The following WDR86 variants were observed in gnomAD, a reference collection of about 807,000 sequenced individuals.
WDR86 encodes WD repeat domain 86.
WDR86 carries 30 observed loss-of-function variants against 36.5 expected under a neutral mutation model. The observed-to-expected ratio is 0.82, with a 90% CI of 0.61 to 1.11. The LOEUF is 1.11. Ranked by LOEUF, WDR86 falls within the 50% of genes most tolerant of loss-of-function variation. The probability of loss-of-function intolerance (pLI) is 0.00; values close to 1 mark genes in which losing one functional copy is unlikely to be tolerated. For missense variants in WDR86, 545 were observed against 561.2 expected (o/e 0.97, Z 0.29); for synonymous variants, 255 against 252.9 (o/e 1.01, Z -0.08).
Position 151,381,250 on chromosome 7 carries a change from G to A in WDR86, c.*332C>T. On this transcript the variant is annotated 3_prime_UTR_variant, in exon 6 of 6. Transcript: ENST00000334493. This position sits in a 1 kb window ranked among gnomAD's most constrained non-coding sequence, Gnocchi z 4.8. ...CTCTCAGCAGGAAAGGCCCAGTTTCGTGGGGCTGGGGGAGCTGGGGCAGTC... is the reference window on the plus strand; with the variant it reads ...CTCTCAGCAGGAAAGGCCCAGTTTCATGGGGCTGGGGGAGCTGGGGCAGTC... 1.5e-6 allele frequency: 2 copies of A among 1,299,570 alleles called. No homozygotes were observed. The highest frequency in any genetic ancestry group is 1.5e-5 in the African/African-American group (1 of 64,848). 80.5% of individuals were successfully genotyped at this position (1,299,570 alleles called of 1,614,324 possible).
downstream of WDR86, among the ~76,000 whole-genome samples, chr7:151,380,044 G>A (rs900912908): frequency 2.0e-5 from 3 of 152,178 alleles, no homozygotes; most frequent in African/African-American, 4.8e-5. Context: ...GCTCCGGGAC[G>A]CAGCAAGACC....
downstream of WDR86, chr7:151,381,102 C>T (rs776043337): frequency 2.0e-4 from 240 of 1,207,292 alleles, no homozygotes; most frequent in Non-Finnish European, 2.2e-4. The surrounding 1 kb of genome is among the most constrained non-coding windows in gnomAD (Gnocchi z 4.8). Flanking sequence ...GTTTGCAAAA[C>T]AAAAAGAGGA....
chr7:151,383,097 C>G (rs1344245670), intron 4 of WDR86, among the ~76,000 whole-genome samples: 1 of 150,136 alleles, frequency 6.7e-6, no homozygotes, highest in African/African-American at 2.5e-5. Context: ...ACGATCCTCC[C>G]GCTTCAGCCT....
downstream of WDR86, chr7:151,375,719 GA>G: frequency 1.5e-6 from 1 of 651,160 alleles, no homozygotes. Context: ...GCCTGAGTGG[GA>G]GCCCCTTTCT....
downstream of WDR86, chr7:151,376,697 G>T: frequency 6.2e-7 from 1 of 1,610,066 alleles, no homozygotes; most frequent in Non-Finnish European, 8.5e-7. Flanking sequence ...CAGAGGCAAC[G>T]TCCAGCTGGC....
downstream of WDR86, chr7:151,377,148 C>T: frequency 6.3e-7 from 1 of 1,589,964 alleles, no homozygotes. Flanking sequence ...TGACTCAACT[C>T]TGGAAGATGA....
At position 151,401,016 on chromosome 7, in the gene WDR86, C is replaced by A. The variant is rs896228692; in HGVS notation, c.164-775G>T. On this transcript the variant is annotated intron_variant, in intron 1 of 5. Transcript: ENST00000334493. The surrounding 1 kb of genome is among the most constrained non-coding windows in gnomAD (Gnocchi z 4.3). The stretch of plus-strand genomic sequence containing the variant: ...GCCAGTGAGACATGTGACGTATGAA[C>A]AGGGATGCACAGCCACTGTGCATGA... Among the ~76,000 whole-genome samples the A allele has an allele frequency of 6.6e-6, 1 of 152,176 alleles. No homozygotes were observed. The highest frequency in any genetic ancestry group is 2.4e-5 in the African/African-American group (1 of 41,432).
At chr7:151,403,686 G>A (rs1056697574) in intron 1 of WDR86, among the ~76,000 whole-genome samples, 20 of 152,260 alleles carry the variant, frequency 1.3e-4, no homozygotes, top group South Asian at 6.2e-4. Flanking sequence ...AATACATGTC[G>A]GCTTAAACAT....
chr7:151,383,335 G>T (rs1252207329), intron 4 of WDR86, among the ~76,000 whole-genome samples: 1 of 152,078 alleles, frequency 6.6e-6, no homozygotes, highest in Non-Finnish European at 1.5e-5. Context: ...TTAGCTGGGT[G>T]TGGTGGCACA....
At chr7:151,382,554 C>T (rs1249064709) in intron 4 of WDR86, among the ~76,000 whole-genome samples, 1 of 152,228 alleles carries the variant, frequency 6.6e-6, no homozygotes, top group Non-Finnish European at 1.5e-5. Flanking sequence ...GCATCCGTCA[C>T]TTGGAGGTCT....
intron 3 of WDR86, among the ~76,000 whole-genome samples, chr7:151,389,118 C>CTT (rs34882878): frequency 4.0e-5 from 5 of 125,574 alleles, no homozygotes; most frequent in Admixed American, 8.3e-5. Flanking sequence ...CTTTTCTTTC[C>CTT]TTTTTTTTTT....
At chr7:151,394,582 G>A (rs1454036629) in intron 3 of WDR86, among the ~76,000 whole-genome samples, 2 of 152,236 alleles carry the variant, frequency 1.3e-5, no homozygotes, top group African/African-American at 4.8e-5. Flanking sequence ...ACCCCAGCAT[G>A]GGGGATCACA....
rs1468777936 is a variant in WDR86 at position 151,381,778 on chromosome 7, C to T, written c.967-32G>A. On this transcript the variant is annotated intron_variant, in intron 5 of 5. Coordinates refer to ENST00000334493, the MANE Select transcript of WDR86 (RefSeq NM_198285.3). The surrounding 1 kb of genome is among the most constrained non-coding windows in gnomAD (Gnocchi z 4.8). ...GCGCAGGGGCGGGCGTCACCGGTGA[C>T]GCGGTAGGCGGGGGGGACACCGCTG... The T allele has an allele frequency of 2.7e-6, 4 of 1,487,342 alleles. No homozygotes were observed. Among genetic ancestry groups the T allele is most frequent in the East Asian group, 5.0e-5 (2 of 39,646 alleles). The allele number at this position is 1,487,342 out of a possible 1,614,324, so 92.1% of individuals were successfully genotyped here. A position where few individuals can be genotyped will look rare whatever the true frequency, so the allele number is the denominator to read the frequency against.
intron 4 of WDR86, among the ~76,000 whole-genome samples, chr7:151,382,332 G>A (rs920688830): frequency 1.3e-5 from 2 of 152,100 alleles, no homozygotes; most frequent in Non-Finnish European, 2.9e-5. Flanking sequence ...CCTACCTTCC[G>A]CTGCGTCGGC....
At chr7:151,374,127 G>A (rs1364924878), downstream of WDR86, 1 of 1,567,830 alleles carries the variant, frequency 6.4e-7, no homozygotes, top group African/African-American at 1.4e-5. Context: ...GGAGGAAAAA[G>A]AGAAGAAAAG....
chr7:151,397,755 GC>G (rs1799956466), intron 2 of WDR86, among the ~76,000 whole-genome samples: 1 of 137,318 alleles, frequency 7.3e-6, no homozygotes, highest in Non-Finnish European at 1.6e-5. Flanking sequence ...AGAGGGTGTA[GC>G]GGGAGGAAGA....
intron 1 of WDR86, chr7:151,408,729 G>C (rs1253655673): frequency 2.6e-6 from 1 of 380,620 alleles, no homozygotes; most frequent in Non-Finnish European, 5.4e-6. Context: ...ACAGTGCATG[G>C]GACAGGCCCA....
In WDR86 at chr7:151,409,119, G is replaced by T. The variant is rs1419480811; in HGVS notation, c.163+308C>A. The T allele has an allele frequency of 1.2e-5, 8 of 643,476 alleles. No individual in the cohort carries two copies. Among genetic ancestry groups the T allele is most frequent in the Non-Finnish European group, 2.4e-5 (8 of 337,900 alleles). 39.9% of individuals were successfully genotyped at this position (643,476 alleles called of 1,614,324 possible). On this transcript the variant is annotated intron_variant, in intron 1 of 5. Coordinates refer to ENST00000334493, the MANE Select transcript of WDR86 (RefSeq NM_198285.3). This position sits in a 1 kb window ranked among gnomAD's most constrained non-coding sequence, Gnocchi z 5.2. ...CAACTTTTTGTTTGTTAACATTGTT[G>T]TCAAGGGAGATTTCCTGCCGCTGGT...
At position 151,396,005 on chromosome 7, in the gene WDR86, A is replaced by G. The variant is rs1489574840; in HGVS notation, c.497T>C (p.Leu166Pro). The change falls in exon 3 of 6, where the codon CTG becomes CCG. Residue 166 changes from leucine (L) to proline (P), a missense_variant. Coordinates refer to ENST00000334493, the MANE Select transcript of WDR86 (RefSeq NM_198285.3). ...TGTGCCATCTGTGCTGCCGGTCACC[A>G]GAAGCCCCCCGGCCGCGGCCTCCTC... ...CAEEAAAGGLLVTGSTDGTAK... is the reference protein window; with the variant it reads ...CAEEAAAGGLPVTGSTDGTAK... The G allele has an allele frequency of 6.2e-7, 1 of 1,601,794 alleles. No homozygotes were observed. Among genetic ancestry groups the G allele is most frequent in the East Asian group, 2.3e-5 (1 of 44,438 alleles).
Sources: gnomAD v4.1 joint callset for allele counts (sites outside exome capture counted in the v4.1 genomes callset) on GRCh38, gnomAD v4.1.1 for gene constraint, Gnocchi (gnomAD v3.1) non-coding constraint, MANE v1.5 for transcripts, NCBI Gene and HGNC (gene_info 2026-07-23, HGNC 2026-07-21) for gene names.